FSTL5: variants seen among roughly 807,000 people sequenced by gnomAD.
FSTL5 encodes follistatin like 5, also known as follistatin-related protein 5.
FSTL5 carries 62 observed loss-of-function variants against 89.1 expected under a neutral mutation model. The observed-to-expected ratio is 0.70, with a 90% CI of 0.57 to 0.86. FSTL5 has a LOEUF of 0.86. Among genes scored for constraint, FSTL5 ranks in the 40% least tolerant of loss-of-function variants. FSTL5 has a pLI of 0.00. For missense variants in FSTL5, 1,057 were observed against 1,001.6 expected (o/e 1.06, Z -0.75); for synonymous variants, 383 against 346.2 (o/e 1.11, Z -1.18).
intron 10 of FSTL5, among the ~76,000 whole-genome samples, chr4:161,517,963 C>T (rs1009458931): frequency 6.6e-6 from 1 of 152,100 alleles, no homozygotes; most frequent in Non-Finnish European, 1.5e-5. Context: ...ATGGTTAGTT[C>T]TATGGTAGTT....
At chr4:162,097,742 A>G (rs1730822549) in intron 2 of FSTL5, among the ~76,000 whole-genome samples, 1 of 151,932 alleles carries the variant, frequency 6.6e-6, no homozygotes. Flanking sequence ...GTTAACAAGA[A>G]AATTAAATTA....
At chr4:161,981,880 C>T (rs1735836915) in intron 3 of FSTL5, among the ~76,000 whole-genome samples, 1 of 152,084 alleles carries the variant, frequency 6.6e-6, no homozygotes. Context: ...TACATTTATA[C>T]AATAATGGTT....
chr4:161,709,811 A>G (rs1305448319), intron 6 of FSTL5, among the ~76,000 whole-genome samples: 1 of 152,152 alleles, frequency 6.6e-6, no homozygotes, highest in Non-Finnish European at 1.5e-5. Context: ...AATTAAATAA[A>G]AAAAAGGTTT....
intron 10 of FSTL5, among the ~76,000 whole-genome samples, chr4:161,531,997 G>C (rs952077653): frequency 6.6e-6 from 1 of 152,066 alleles, no homozygotes; most frequent in Non-Finnish European, 1.5e-5. Context: ...GAGGTCAGGA[G>C]ATCTAGACCA....
chr4:161,596,515 A>C (rs1734014385), intron 7 of FSTL5, among the ~76,000 whole-genome samples: 1 of 151,990 alleles, frequency 6.6e-6, no homozygotes, highest in South Asian at 2.1e-4. Context: ...TTAAGAAAAT[A>C]ACCCTGCAAA....
chr4:161,757,022 CTATT>C (rs1472461963), intron 6 of FSTL5, among the ~76,000 whole-genome samples: 1 of 152,124 alleles, frequency 6.6e-6, no homozygotes, highest in Non-Finnish European at 1.5e-5. Flanking sequence ...TTTATTAAAA[CTATT>C]TAGTAAAATG....
At position 161,763,915 on chromosome 4, in the gene FSTL5, C is replaced by T. The variant is rs117649701; in HGVS notation, c.607-4384G>A. Among the ~76,000 whole-genome samples the T allele has an allele frequency of 1.7e-4, 26 of 152,214 alleles. No individual in the cohort carries two copies. In the East Asian group the frequency reaches 5.0e-3, roughly 30 times the overall value. ...CAGTCAATATAAGCTGGTTCTTGGGCTACTTGGTCTGAACAGCTTCTTGTC... is the reference window on the plus strand; with the variant it reads ...CAGTCAATATAAGCTGGTTCTTGGGTTACTTGGTCTGAACAGCTTCTTGTC... On this transcript the variant is annotated intron_variant, in intron 5 of 15. Transcript: ENST00000306100.
intron 3 of FSTL5, among the ~76,000 whole-genome samples, chr4:161,940,596 A>G (rs1284249547): frequency 2.0e-5 from 3 of 151,884 alleles, no homozygotes; most frequent in Non-Finnish European, 2.9e-5. Flanking sequence ...CAGAGGCCAG[A>G]GGTAGTTGGA....
At chr4:161,446,079 A>T (rs1056589173) in intron 15 of FSTL5, among the ~76,000 whole-genome samples, 2 of 152,018 alleles carry the variant, frequency 1.3e-5, no homozygotes, top group East Asian at 1.9e-4. Context: ...TTACAACTCA[A>T]CTAAAAAGAT....
intron 3 of FSTL5, among the ~76,000 whole-genome samples, chr4:161,974,574 T>A (rs1735578183): frequency 8.1e-6 from 1 of 123,924 alleles, no homozygotes; most frequent in Non-Finnish European, 1.7e-5. Context: ...ACTGGATCCC[T>A]TCCTTACACC....
At chr4:161,650,383 A>G in intron 7 of FSTL5, among the ~76,000 whole-genome samples, 1 of 152,314 alleles carries the variant, frequency 6.6e-6, no homozygotes, top group South Asian at 2.1e-4. Context: ...TGAATTTCAG[A>G]TCAACAAAGT....
intron 11 of FSTL5, among the ~76,000 whole-genome samples, chr4:161,505,241 C>G (rs1399759816): frequency 6.6e-6 from 1 of 152,090 alleles, no homozygotes; most frequent in Non-Finnish European, 1.5e-5. Context: ...ACGGATAGAT[C>G]TTTGGTTCAT....
intron 15 of FSTL5, among the ~76,000 whole-genome samples, chr4:161,395,279 A>G (rs1249498169): frequency 1.3e-5 from 2 of 152,126 alleles, no homozygotes; most frequent in African/African-American, 2.4e-5. Flanking sequence ...TTAAACTAGA[A>G]TAATTTGAAA....
rs1190328687 is a variant in FSTL5 at position 161,694,231 on chromosome 4, T to C, written c.728-37737A>G. ...TTAAATGTAGATATTTAGAACTATA[T>C]AGAGAAAGAAATAATGTTTTCTGCC... is the stretch of plus-strand genomic sequence containing the variant. On this transcript the variant is annotated intron_variant, in intron 6 of 15. Coordinates refer to ENST00000306100, the MANE Select transcript of FSTL5 (RefSeq NM_020116.5). Among the ~76,000 whole-genome samples, 7 of 152,282 alleles carry C rather than the reference T, an allele frequency of 4.6e-5. No homozygotes were observed. The South Asian group carries it at 8.3e-4, about 18-fold the overall frequency.
intron 11 of FSTL5, 138 bp from the exon 12 acceptor site, chr4:161,500,272 G>A: frequency 1.7e-6 from 1 of 576,084 alleles, no homozygotes; most frequent in Non-Finnish European, 3.0e-6. Context: ...AACCATATGG[G>A]ACCCTTACTG....
At chr4:161,653,697 C>G (rs1736415250) in intron 7 of FSTL5, among the ~76,000 whole-genome samples, 1 of 152,064 alleles carries the variant, frequency 6.6e-6, no homozygotes, top group East Asian at 1.9e-4. Context: ...AAATGAAAGA[C>G]AGTTTAACTG....
chr4:161,412,748 C>T (rs1369929162), intron 15 of FSTL5, among the ~76,000 whole-genome samples: 2 of 152,056 alleles, frequency 1.3e-5, no homozygotes, highest in Non-Finnish European at 2.9e-5. Context: ...ACAGACAATT[C>T]AGAAATAAAC....
intron 6 of FSTL5, among the ~76,000 whole-genome samples, chr4:161,662,777 A>C (rs1664334843): frequency 6.6e-6 from 1 of 152,180 alleles, no homozygotes; most frequent in South Asian, 2.1e-4. Flanking sequence ...AGCAAAGCGA[A>C]CAAAAAACTA....
intron 4 of FSTL5, among the ~76,000 whole-genome samples, chr4:161,903,896 G>A (rs550237988): frequency 1.3e-5 from 2 of 151,624 alleles, no homozygotes; most frequent in Non-Finnish European, 2.9e-5. Flanking sequence ...CAAGTCTTCA[G>A]TCCTTGTTTC....
Sources: gnomAD v4.1 joint callset for allele counts (sites outside exome capture counted in the v4.1 genomes callset) on GRCh38, gnomAD v4.1.1 for gene constraint, MANE v1.5 for transcripts, NCBI Gene and HGNC (gene_info 2026-07-23, HGNC 2026-07-21) for gene names.